ISM2: variants seen among roughly 807,000 people sequenced by gnomAD.
ISM2 encodes the protein isthmin-2.
ISM2 carries 50 observed loss-of-function variants against 58.0 expected under a neutral mutation model. The ratio of observed to expected loss-of-function variants is 0.86; its 90% CI spans 0.69 to 1.09. The LOEUF is 1.09. Among genes scored for constraint, ISM2 ranks in the 50% least tolerant of loss-of-function variants. The probability of loss-of-function intolerance (pLI) is 0.00; values close to 1 mark genes in which losing one functional copy is unlikely to be tolerated. For missense variants in ISM2, 723 were observed against 745.0 expected (o/e 0.97, Z 0.34); for synonymous variants, 303 against 312.4 (o/e 0.97, Z 0.32).
chr14:77,480,076 C>T (rs1216957923), intron 4 of ISM2, among the ~76,000 whole-genome samples: 5 of 151,958 alleles, frequency 3.3e-5, no homozygotes, highest in African/African-American at 9.7e-5. Flanking sequence ...CCCAGCACTT[C>T]GGGAGGCTGA....
In ISM2 at chr14:77,482,537, T is replaced by C. The variant is rs1251836137; in HGVS notation, c.758A>G (p.Tyr253Cys). ...PALWSFLWGD[Y>C]KGEEKDRAPG... ...GGCCCTGTCTTTTTCCTCTCCTTTG[T>C]AGTCTCCCCAGAGGAAGGACCAGAG... is the stretch of plus-strand genomic sequence containing the variant. The change falls in exon 4 of 7, where the codon TAC (tyrosine) becomes TGC (cysteine). Residue 253 changes from tyrosine to cysteine, a missense_variant. Coordinates refer to ENST00000342219, the MANE Select transcript of ISM2 (RefSeq NM_199296.3). The C allele has an allele frequency of 6.2e-7, 1 of 1,614,140 alleles. No homozygotes were observed. Among genetic ancestry groups the C allele is most frequent in the Non-Finnish European group, 8.5e-7 (1 of 1,179,996 alleles).
In ISM2 at chr14:77,497,045, C is replaced by G. The variant is rs150660565; in HGVS notation, c.141+1608G>C. On this transcript the variant is annotated intron_variant, in intron 1 of 6. Coordinates refer to ENST00000342219, the MANE Select transcript of ISM2 (RefSeq NM_199296.3). ...TCACAATCTCCCACACCCTGCATGC[C>G]TATATGGACCCTCAGTGTCGTCATC... 6.2e-3 allele frequency among the ~76,000 whole-genome samples: 935 copies of G among 151,448 alleles called. 7 individuals carry two copies. Among genetic ancestry groups the G allele is most frequent in the African/African-American group, 0.022 (908 of 41,270 alleles).
In ISM2 at chr14:77,485,282, C is replaced by T. The variant is rs2079161088; in HGVS notation, c.142-363G>A. ...GTGGTGTCCTTTGCAGACAATGTGCCTCCCACTCCCCAAGGCCCTCACAGG... is the reference window on the plus strand; with the variant it reads ...GTGGTGTCCTTTGCAGACAATGTGCTTCCCACTCCCCAAGGCCCTCACAGG... On this transcript the variant is annotated intron_variant, in intron 1 of 6. Coordinates refer to ENST00000342219, the MANE Select transcript of ISM2 (RefSeq NM_199296.3). Among the ~76,000 whole-genome samples, 2 of 152,224 alleles carry T rather than the reference C, an allele frequency of 1.3e-5. 1 individual carries two copies. Among genetic ancestry groups the T allele is most frequent in the South Asian group, 4.1e-4 (2 of 4,836 alleles).
rs561356437 is a variant in ISM2 at position 77,477,593 on chromosome 14, G to A, written c.1198+649C>T. Among the ~76,000 whole-genome samples the A allele has an allele frequency of 5.3e-5, 8 of 152,332 alleles. No individual in the cohort carries two copies. The East Asian group carries it at 1.2e-3, about 22-fold the overall frequency. ...AGTGCAGTGCTCACATGGGTTATGC[G>A]TGTCTTTCCCCCATGGGACCTGAGC... On this transcript the variant is annotated intron_variant, in intron 6 of 6. Transcript: ENST00000342219.
At position 77,476,008 on chromosome 14, in the gene ISM2, G is replaced by T. The variant is rs1186067993; in HGVS notation, c.1303C>A (p.Leu435Met). 5.7e-6 allele frequency: 9 copies of T among 1,584,974 alleles called. No individual in the cohort carries two copies. Among genetic ancestry groups the T allele is most frequent in the Middle Eastern group, 1.7e-4 (1 of 6,002 alleles). Residue 435 changes from leucine (L) to methionine (M), a missense_variant, in exon 7 of 7, where the codon CTG (leucine) becomes ATG (methionine). Physicochemically the swap from Leu to Met is conservative, Grantham distance 15. Transcript: ENST00000342219. ...DLPSCPCAYPLEAMDSPVSLQ... is the reference protein window; with the variant it reads ...DLPSCPCAYPMEAMDSPVSLQ... ...CTCACAGGGCTGTCCATGGCCTCCA[G>T]TGGGTAGGCACACGGGCAGCTGGGC...
At chr14:77,476,864 C>T (rs2079101648) in intron 6 of ISM2, among the ~76,000 whole-genome samples, 2 of 152,120 alleles carry the variant, frequency 1.3e-5, no homozygotes, top group Admixed American at 6.6e-5. Flanking sequence ...ATGGCAAAGT[C>T]CCGTCTCTAC....
intron 4 of ISM2, among the ~76,000 whole-genome samples, chr14:77,479,294 A>T (rs1199899382): frequency 6.6e-6 from 1 of 151,444 alleles, no homozygotes; most frequent in East Asian, 1.9e-4. Flanking sequence ...ATTTCGGCTC[A>T]CTGTACCTTC....
chr14:77,495,202 G>T (rs1282293241), intron 1 of ISM2, among the ~76,000 whole-genome samples: 2 of 152,070 alleles, frequency 1.3e-5, no homozygotes, highest in Non-Finnish European at 2.9e-5. Context: ...CTTTTTAAAT[G>T]TGAGGAAATC....
chr14:77,489,342 A>T (rs1448561431), intron 1 of ISM2, among the ~76,000 whole-genome samples: 1 of 152,194 alleles, frequency 6.6e-6, no homozygotes, highest in Non-Finnish European at 1.5e-5. Context: ...TGCTGGTGGG[A>T]GGTGCTGGAG....
At chr14:77,494,708 T>C (rs544878432) in intron 1 of ISM2, among the ~76,000 whole-genome samples, 1 of 152,040 alleles carries the variant, frequency 6.6e-6, no homozygotes, top group East Asian at 1.9e-4. Context: ...GGTCAGTTAT[T>C]TGTGACACGC....
intron 6 of ISM2, among the ~76,000 whole-genome samples, chr14:77,476,643 C>T (rs2079100361): frequency 2.0e-5 from 3 of 152,148 alleles, no homozygotes; most frequent in African/African-American, 4.8e-5. Context: ...ATCTCCACCT[C>T]GGGAAACGTG....
intron 1 of ISM2, among the ~76,000 whole-genome samples, chr14:77,485,378 C>CCT (rs2079161689): frequency 6.6e-6 from 1 of 152,232 alleles, no homozygotes; most frequent in Non-Finnish European, 1.5e-5. Context: ...TGGCCTTTCC[C>CCT]CTCAGCCTGC....
intron 1 of ISM2, among the ~76,000 whole-genome samples, chr14:77,490,323 C>T (rs561441674): frequency 6.6e-6 from 1 of 152,306 alleles, no homozygotes; most frequent in East Asian, 1.9e-4. Flanking sequence ...TCATTCTGCA[C>T]TGGGCCCCAC....
rs78789358 is a variant in ISM2 at position 77,476,164 on chromosome 14, G to A, written c.1199-52C>T. On this transcript the variant is annotated intron_variant, in intron 6 of 6. Transcript: ENST00000342219. ...GGAAGCCAGTGACAGAGCCAGGCCC[G>A]TGTGGGGCGGGGACTGATTAAGGGC... is the stretch of plus-strand genomic sequence containing the variant. 1.3e-3 allele frequency: 1,953 copies of A among 1,493,940 alleles called. 25 individuals are homozygous for A. In the African/African-American group the frequency reaches 0.024, roughly 18 times the overall value. 92.5% of individuals were successfully genotyped at this position (1,493,940 alleles called of 1,614,324 possible).
chr14:77,476,109 ACAT>A lies in ISM2; in HGVS notation c.1199_1201del (p.Asp400del). 2 of 1,514,882 alleles carry A rather than the reference ACAT, an allele frequency of 1.3e-6. No individual in the cohort carries two copies. Among genetic ancestry groups the A allele is most frequent in the Non-Finnish European group, 1.8e-6 (2 of 1,136,242 alleles). 93.8% of individuals were successfully genotyped at this position (1,514,882 alleles called of 1,614,324 possible). A position where few individuals can be genotyped will look rare whatever the true frequency, so the allele number is the denominator to read the frequency against. ...GTTCAGCCACTTCTCACAGCTGTCC[ACAT>A]CTGCAAAGGGCCACAAAGTGCAGGA... On this transcript the variant is annotated inframe_deletion and splice_region_variant, in exon 7 of 7. Coordinates refer to ENST00000342219, the MANE Select transcript of ISM2 (RefSeq NM_199296.3).
At chr14:77,479,581 A>G (rs1566753548) in intron 4 of ISM2, among the ~76,000 whole-genome samples, 1 of 152,186 alleles carries the variant, frequency 6.6e-6, no homozygotes, top group East Asian at 1.9e-4. Flanking sequence ...ACAGTGTTTC[A>G]CCAAGTTGGT....
At chr14:77,489,577 T>C (rs1230633220) in intron 1 of ISM2, among the ~76,000 whole-genome samples, 3 of 152,042 alleles carry the variant, frequency 2.0e-5, no homozygotes, top group African/African-American at 4.8e-5. Flanking sequence ...TGGGTCTTGC[T>C]ATGTTGCCCA....
chr14:77,492,745 C>T (rs558765566), intron 1 of ISM2, among the ~76,000 whole-genome samples: 13 of 152,050 alleles, frequency 8.5e-5, no homozygotes, highest in East Asian at 1.9e-4. Context: ...TGGTGGCTCG[C>T]GCCTGTAATC....
At chr14:77,487,929 G>T (rs1376730331) in intron 1 of ISM2, among the ~76,000 whole-genome samples, 1 of 152,196 alleles carries the variant, frequency 6.6e-6, no homozygotes, top group Admixed American at 6.5e-5. Flanking sequence ...CCTGGTTAAA[G>T]GCTCTGGGGC....
Sources: allele counts gnomAD v4.1 joint callset (sites outside exome capture counted in the v4.1 genomes callset), GRCh38; gene constraint gnomAD v4.1.1; transcripts MANE v1.5; gene names NCBI Gene and HGNC (gene_info 2026-07-23, HGNC 2026-07-21).